The following SLC25A48 variants were observed in gnomAD, a reference collection of about 807,000 sequenced individuals.
The protein encoded by SLC25A48 is solute carrier family 25 member 48.
In SLC25A48, 29 loss-of-function variants were observed where a neutral mutation model predicts 32.2. The ratio of observed to expected loss-of-function variants is 0.90; its 90% CI spans 0.67 to 1.23. The LOEUF is 1.23. Ranked by LOEUF, SLC25A48 falls within the 50% of genes most tolerant of loss-of-function variation. The pLI is 0.00. For missense variants in SLC25A48, 399 were observed against 422.7 expected (o/e 0.94, Z 0.49); for synonymous variants, 164 against 172.3 (o/e 0.95, Z 0.38).
chr5:135,883,021 T>C (rs963869819), intron 7 of SLC25A48: 73 of 984,950 alleles, frequency 7.4e-5, no homozygotes, highest in Non-Finnish European at 8.7e-5. Flanking sequence ...ATTTCAAGAC[T>C]CCCGTTAGAA....
chr5:135,812,081 C>CA (rs1306172712), intron 3 of SLC25A48, among the ~76,000 whole-genome samples: 1 of 150,910 alleles, frequency 6.6e-6, no homozygotes, highest in Admixed American at 6.6e-5. Flanking sequence ...GACTCTGTCT[C>CA]AAAAAAAATA....
At chr5:135,653,735 T>C in intron 3 of SLC25A48, 1 of 447,960 alleles carries the variant, frequency 2.2e-6, no homozygotes. Context: ...CTTTGGAAGA[T>C]AAAGGAGCTG....
intron 3 of SLC25A48, among the ~76,000 whole-genome samples, chr5:135,637,858 T>A (rs1475743489): frequency 1.3e-5 from 2 of 152,318 alleles, no homozygotes; most frequent in East Asian, 3.9e-4. Flanking sequence ...TTTGTTGTTG[T>A]TGTTGTTGTT....
intron 3 of SLC25A48, among the ~76,000 whole-genome samples, chr5:135,788,224 T>C (rs974914256): frequency 2.0e-5 from 3 of 151,332 alleles, no homozygotes; most frequent in African/African-American, 7.3e-5. Context: ...CCCCGCTGTA[T>C]GGTCAGTAAT....
intron 5 of SLC25A48, chr5:135,872,085 C>T: frequency 9.5e-7 from 1 of 1,052,202 alleles, no homozygotes; most frequent in South Asian, 4.7e-5. Flanking sequence ...GAATCGGTTT[C>T]CCCATTTCAC....
intron 3 of SLC25A48, among the ~76,000 whole-genome samples, chr5:135,722,779 TC>T (rs1374717927): frequency 2.0e-5 from 3 of 152,232 alleles, no homozygotes; most frequent in Non-Finnish European, 2.9e-5. Flanking sequence ...AGTTAGGGGA[TC>T]TTAGAGGGTG....
At chr5:135,673,422 G>A (rs907356221) in intron 3 of SLC25A48, among the ~76,000 whole-genome samples, 1 of 152,116 alleles carries the variant, frequency 6.6e-6, no homozygotes, top group African/African-American at 2.4e-5. Flanking sequence ...CCATTCTTGT[G>A]AAAGTGTAGT....
At chr5:135,708,582 C>A (rs1315841228) in intron 3 of SLC25A48, among the ~76,000 whole-genome samples, 2 of 152,192 alleles carry the variant, frequency 1.3e-5, no homozygotes, top group South Asian at 2.1e-4. Context: ...TCAGGCCCCA[C>A]CCCGGTCAGG....
chr5:135,681,444 C>G (rs369400161), intron 3 of SLC25A48, among the ~76,000 whole-genome samples: 9 of 152,208 alleles, frequency 5.9e-5, no homozygotes, highest in Non-Finnish European at 1.2e-4. Context: ...CTCTCCTTGA[C>G]ATTTTACTTT....
At position 135,842,353 on chromosome 5, in the gene SLC25A48, G is replaced by C. The variant is rs896648052; in HGVS notation, c.47-63G>C. On this transcript the variant is annotated intron_variant, in intron 1 of 7. Coordinates refer to ENST00000681962, the MANE Select transcript of SLC25A48 (RefSeq NM_001349336.2). The stretch of plus-strand genomic sequence containing the variant: ...AACAAGTGCCTGTTTTGTCCCAAGA[G>C]CTGGCTGGTGTAAGCCAGGAGTCCA... The C allele has an allele frequency of 9.0e-6, 14 of 1,559,086 alleles. No homozygotes were observed. The Admixed American group carries it at 2.3e-4, about 26-fold the overall frequency.
chr5:135,842,123 T>G (rs113009085), intron 1 of SLC25A48, among the ~76,000 whole-genome samples: 1 of 152,196 alleles, frequency 6.6e-6, no homozygotes, highest in African/African-American at 2.4e-5. Flanking sequence ...GATTTAATTT[T>G]GTATATGGTA....
At chr5:135,638,606 G>A (rs1259204252) in intron 3 of SLC25A48, among the ~76,000 whole-genome samples, 8 of 152,190 alleles carry the variant, frequency 5.3e-5, no homozygotes, top group Non-Finnish European at 8.8e-5. Flanking sequence ...GCTACTAAAG[G>A]AAAGAGAAAT....
chr5:135,866,050 G>A (rs938603151), intron 4 of SLC25A48, among the ~76,000 whole-genome samples: 2 of 152,200 alleles, frequency 1.3e-5, no homozygotes, highest in African/African-American at 4.8e-5. Context: ...CACTGGCTGA[G>A]CCTTACTGGA....
chr5:135,879,547 G>A (rs1762286634), intron 6 of SLC25A48, among the ~76,000 whole-genome samples: 1 of 151,866 alleles, frequency 6.6e-6, no homozygotes, highest in Non-Finnish European at 1.5e-5. Context: ...GGGCATGGCT[G>A]GGTGCTCTGT....
At chr5:135,850,590 G>A in intron 3 of SLC25A48, 94 bp downstream of exon 3, 1 of 1,176,744 alleles carries the variant, frequency 8.5e-7, no homozygotes, top group Non-Finnish European at 1.2e-6. Flanking sequence ...GCAGGTGGGG[G>A]CCTCTCATCC....
intron 7 of SLC25A48, chr5:135,883,500 C>A (rs1053151820): frequency 4.1e-6 from 4 of 982,882 alleles, no homozygotes; most frequent in Non-Finnish European, 4.8e-6. Flanking sequence ...CAAGAGGCAC[C>A]TGGCCACTGT....
At chr5:135,786,664 C>T (rs1226094087) in intron 3 of SLC25A48, among the ~76,000 whole-genome samples, 2 of 152,094 alleles carry the variant, frequency 1.3e-5, no homozygotes, top group African/African-American at 4.8e-5. Flanking sequence ...GATATTTCTC[C>T]TAATGTCACA....
intron 3 of SLC25A48, among the ~76,000 whole-genome samples, chr5:135,648,376 C>T (rs1169769400): frequency 1.3e-5 from 2 of 152,230 alleles, no homozygotes; most frequent in Admixed American, 6.5e-5. Flanking sequence ...CAAGAAAGTG[C>T]ACTTAATGTA....
At chr5:135,815,999 A>G (rs183309751) in intron 4 of SLC25A48, among the ~76,000 whole-genome samples, 4 of 152,350 alleles carry the variant, frequency 2.6e-5, no homozygotes, top group Admixed American at 2.0e-4. Flanking sequence ...TCACAGTTCC[A>G]TATGGCTGGG....
Sources: gnomAD v4.1 joint callset for allele counts (sites outside exome capture counted in the v4.1 genomes callset) on GRCh38, gnomAD v4.1.1 for gene constraint, MANE v1.5 for transcripts, NCBI Gene and HGNC (gene_info 2026-07-23, HGNC 2026-07-21) for gene names.